The following RANBP2 variants were observed in gnomAD, a reference collection of about 807,000 sequenced individuals.
RANBP2 encodes RAN binding protein 2.
A neutral mutation model predicts 303.6 loss-of-function variants in RANBP2; 57 were observed. The ratio of observed to expected loss-of-function variants is 0.19; its 90% CI spans 0.15 to 0.23. The LOEUF is 0.23. Among genes scored for constraint, RANBP2 ranks in the 10% least tolerant of loss-of-function variants. RANBP2 has a pLI of 1.00. For synonymous variants in RANBP2, 1,167 were observed against 1,301.5 expected, an observed-to-expected ratio of 0.90 and a Z score of 2.23; for missense variants, 3,138 against 3,780.8, an observed-to-expected ratio of 0.83 and a Z score of 4.46.
the RANBP2 span, among the ~76,000 whole-genome samples, chr2:109,046,030 C>T: frequency 6.6e-6 from 1 of 152,112 alleles, no homozygotes; most frequent in Non-Finnish European, 1.5e-5. Context: ...CAAGGCCGGG[C>T]ATGGTGTCTC....
chr2:109,684,259 T>TTTTTTTTTTTTA, the RANBP2 span, among the ~76,000 whole-genome samples: 5 of 147,446 alleles, frequency 3.4e-5, no homozygotes, highest in Middle Eastern at 3.6e-3. Flanking sequence ...TTTTTTTTTT[T>TTTTTTTTTTTTA]GAGGCAGCGT....
chr2:109,633,724 C>T, the RANBP2 span, among the ~76,000 whole-genome samples: 1 of 152,120 alleles, frequency 6.6e-6, no homozygotes, highest in African/African-American at 2.4e-5. Context: ...ACTCAGCTCC[C>T]AGGTAGAGGA....
At chr2:108,820,643 A>G in the RANBP2 span, among the ~76,000 whole-genome samples, 25 of 149,992 alleles carry the variant, frequency 1.7e-4, no homozygotes, top group African/African-American at 6.1e-4. Context: ...ATTTCAGCAG[A>G]TTTCTCAGCA....
the RANBP2 span, among the ~76,000 whole-genome samples, chr2:109,404,586 C>T: frequency 2.0e-5 from 3 of 152,134 alleles, no homozygotes; most frequent in African/African-American, 7.2e-5. Context: ...CTGGGCACCT[C>T]CCAGAGGCTG....
At chr2:109,276,695 T>G in the RANBP2 span, among the ~76,000 whole-genome samples, 1 of 152,178 alleles carries the variant, frequency 6.6e-6, no homozygotes, top group Admixed American at 6.5e-5. Flanking sequence ...TAGAGACCCT[T>G]TTTGGCTTGT....
the RANBP2 span, among the ~76,000 whole-genome samples, chr2:108,975,823 C>T: frequency 1.3e-4 from 20 of 152,054 alleles, no homozygotes; most frequent in African/African-American, 3.9e-4. Context: ...TGAACGAGCT[C>T]GAGAAGTCAA....
At chr2:109,621,120 G>T in the RANBP2 span, among the ~76,000 whole-genome samples, 4 of 152,166 alleles carry the variant, frequency 2.6e-5, no homozygotes, top group African/African-American at 9.7e-5. Context: ...TTTGCCAGTG[G>T]TATAAAGTAG....
chr2:109,486,712 C>G, the RANBP2 span, among the ~76,000 whole-genome samples: 1 of 151,852 alleles, frequency 6.6e-6, no homozygotes, highest in Non-Finnish European at 1.5e-5. Context: ...GTGGTTGGCG[C>G]AGGATGTGTT....
chr2:109,364,358 C>G, the RANBP2 span, among the ~76,000 whole-genome samples: 1 of 152,172 alleles, frequency 6.6e-6, no homozygotes, highest in Non-Finnish European at 1.5e-5. Context: ...GCTTACATCA[C>G]CCATCTGTTC....
At chr2:109,533,323 G>A in the RANBP2 span, among the ~76,000 whole-genome samples, 1 of 152,250 alleles carries the variant, frequency 6.6e-6, no homozygotes, top group African/African-American at 2.4e-5. Flanking sequence ...AGGAACAGCA[G>A]GACGTCTGTT....
chr2:109,626,244 C>T, the RANBP2 span, among the ~76,000 whole-genome samples: 2 of 151,574 alleles, frequency 1.3e-5, no homozygotes, highest in Non-Finnish European at 2.9e-5. Context: ...CTTTGAGAGG[C>T]CGAGGTGGGT....
the RANBP2 span, among the ~76,000 whole-genome samples, chr2:109,057,274 G>A: frequency 6.6e-6 from 1 of 152,106 alleles, no homozygotes; most frequent in Non-Finnish European, 1.5e-5. Flanking sequence ...TCAAGAAAGG[G>A]GTCATAGTGT....
At chr2:109,480,636 G>A in the RANBP2 span, among the ~76,000 whole-genome samples, 2 of 152,180 alleles carry the variant, frequency 1.3e-5, no homozygotes, top group African/African-American at 4.8e-5. Context: ...GGGAGGAGGA[G>A]GAGGAGGATG....
At chr2:109,450,150 A>T in the RANBP2 span, among the ~76,000 whole-genome samples, 89 of 152,230 alleles carry the variant, frequency 5.8e-4, no homozygotes, top group South Asian at 1.5e-3. Flanking sequence ...GTTTGAAACC[A>T]GCCTGGCCAA....
the RANBP2 span, among the ~76,000 whole-genome samples, chr2:109,051,843 G>C: frequency 6.6e-6 from 1 of 151,694 alleles, no homozygotes; most frequent in African/African-American, 2.4e-5. Context: ...CTGCCTCCCA[G>C]GTTCACGCCA....
At chr2:109,153,902 T>A in the RANBP2 span, among the ~76,000 whole-genome samples, 1 of 152,226 alleles carries the variant, frequency 6.6e-6, no homozygotes, top group Non-Finnish European at 1.5e-5. Flanking sequence ...CTACACCAGT[T>A]GCAGGGCCGA....
chr2:109,030,538 G>A, the RANBP2 span, among the ~76,000 whole-genome samples: 4 of 152,332 alleles, frequency 2.6e-5, no homozygotes, highest in South Asian at 8.3e-4. Flanking sequence ...GGGCCTCACT[G>A]TCTGATGGGA....
chr2:109,292,614 C>G, the RANBP2 span, among the ~76,000 whole-genome samples: 1 of 152,188 alleles, frequency 6.6e-6, no homozygotes, highest in Non-Finnish European at 1.5e-5. Flanking sequence ...GGGCATTTTT[C>G]TTTCCTCTTG....
chr2:109,409,056 C>T, the RANBP2 span, among the ~76,000 whole-genome samples: 2 of 152,336 alleles, frequency 1.3e-5, no homozygotes, highest in African/African-American at 2.4e-5. Flanking sequence ...ACAGACCTCC[C>T]CTTTCCTTGT....
Sources: gnomAD v4.1 joint callset for allele counts (sites outside exome capture counted in the v4.1 genomes callset) on GRCh38, gnomAD v4.1.1 for gene constraint, MANE v1.5 for transcripts, NCBI Gene and HGNC (gene_info 2026-07-23, HGNC 2026-07-21) for gene names.